The following CSMD1 variants were observed in gnomAD, a reference collection of about 807,000 sequenced individuals.
CSMD1 encodes the protein CUB and sushi domain-containing protein 1.
CSMD1 carries 213 observed loss-of-function variants against 417.5 expected under a neutral mutation model. The ratio of observed to expected loss-of-function variants is 0.51; its 90% CI spans 0.46 to 0.57. The LOEUF (loss-of-function observed/expected upper bound fraction) is 0.57. CSMD1 is among the 20% of genes least tolerant of loss of function. CSMD1 has a pLI of 0.00. For synonymous variants in CSMD1, 2,862 were observed against 1,736.8 expected, an observed-to-expected ratio of 1.65 and a Z score of -16.11; for missense variants, 6,923 against 4,529.7, an observed-to-expected ratio of 1.53 and a Z score of -15.17.
intron 3 of CSMD1, among the ~76,000 whole-genome samples, chr8:4,359,962 T>A (rs1420874571): frequency 6.6e-6 from 1 of 152,208 alleles, no homozygotes; most frequent in Non-Finnish European, 1.5e-5. Context: ...ATCTTCCACA[T>A]GGTTAGGATG....
At chr8:4,193,915 A>G (rs1184851891) in intron 3 of CSMD1, among the ~76,000 whole-genome samples, 1 of 151,820 alleles carries the variant, frequency 6.6e-6, no homozygotes, top group Non-Finnish European at 1.5e-5. Context: ...CGGCAGGAGA[A>G]AGTACAATGT....
At chr8:4,003,718 C>T (rs746056283) in intron 4 of CSMD1, among the ~76,000 whole-genome samples, 2 of 152,084 alleles carry the variant, frequency 1.3e-5, no homozygotes, top group East Asian at 1.9e-4. Context: ...GTGCTTCAGG[C>T]GATTTACCAA....
intron 12 of CSMD1, among the ~76,000 whole-genome samples, chr8:3,428,703 G>T (rs76193712): frequency 0.014 from 2,056 of 152,198 alleles, 50 homozygotes; most frequent in East Asian, 0.098. Context: ...CTACTAGTGG[G>T]CATATACCCA....
intron 1 of CSMD1, among the ~76,000 whole-genome samples, chr8:4,925,713 AT>A (rs546243279): frequency 6.6e-6 from 1 of 151,692 alleles, no homozygotes; most frequent in Non-Finnish European, 1.5e-5. Context: ...CGCAGGGCTA[AT>A]TTTTTTGTAT....
chr8:4,132,634 C>A (rs1049026333), intron 3 of CSMD1, among the ~76,000 whole-genome samples: 2 of 152,100 alleles, frequency 1.3e-5, no homozygotes, highest in African/African-American at 2.4e-5. Context: ...TCATTCTAAG[C>A]CAAATAAATA....
chr8:3,690,329 C>G (rs889548500), intron 7 of CSMD1, among the ~76,000 whole-genome samples: 20 of 152,336 alleles, frequency 1.3e-4, no homozygotes, highest in African/African-American at 4.8e-4. Context: ...GCACTGCAGC[C>G]TGGGTGACAG....
intron 7 of CSMD1, among the ~76,000 whole-genome samples, chr8:3,633,166 A>G (rs1305159538): frequency 6.6e-6 from 1 of 152,260 alleles, no homozygotes. Context: ...ATCATTAAAC[A>G]TCATATATGA....
intron 5 of CSMD1, among the ~76,000 whole-genome samples, chr8:3,863,755 C>T (rs756680206): frequency 6.6e-6 from 1 of 152,014 alleles, no homozygotes; most frequent in Non-Finnish European, 1.5e-5. Flanking sequence ...TGTTAAACTA[C>T]CCAGAAGAGA....
At chr8:4,674,037 A>G (rs1585430260) in intron 1 of CSMD1, among the ~76,000 whole-genome samples, 2 of 152,216 alleles carry the variant, frequency 1.3e-5, no homozygotes, top group African/African-American at 2.4e-5. Context: ...GTATATCTCA[A>G]TAAAGCTATT....
At chr8:3,086,557 C>T (rs756053460) in intron 49 of CSMD1, among the ~76,000 whole-genome samples, 3 of 152,044 alleles carry the variant, frequency 2.0e-5, no homozygotes, top group Non-Finnish European at 2.9e-5. Context: ...TTCATGACTT[C>T]AAAGCCTTCA....
At chr8:4,692,751 T>G (rs1175895417) in intron 1 of CSMD1, among the ~76,000 whole-genome samples, 1 of 152,218 alleles carries the variant, frequency 6.6e-6, no homozygotes, top group Non-Finnish European at 1.5e-5. Flanking sequence ...TCTCACATCA[T>G]GCCTAATTCT....
intron 10 of CSMD1, among the ~76,000 whole-genome samples, chr8:3,511,796 A>C (rs1797081947): frequency 6.6e-6 from 1 of 151,646 alleles, no homozygotes; most frequent in African/African-American, 2.4e-5. Flanking sequence ...ACATAACATA[A>C]CATAACATAA....
chr8:3,926,059 C>T (rs1389253048), intron 5 of CSMD1, among the ~76,000 whole-genome samples: 5 of 136,936 alleles, frequency 3.7e-5, no homozygotes, highest in African/African-American at 1.4e-4. Flanking sequence ...CATATACACA[C>T]ACACACACAC....
At chr8:2,946,723 CAT>C (rs1022767863) in intron 68 of CSMD1, among the ~76,000 whole-genome samples, 1 of 152,158 alleles carries the variant, frequency 6.6e-6, no homozygotes, top group African/African-American at 2.4e-5. Flanking sequence ...TTTTGTGTGA[CAT>C]ATTTTTCAGT....
intron 3 of CSMD1, among the ~76,000 whole-genome samples, chr8:4,050,880 C>T (rs1798390111): frequency 6.6e-6 from 1 of 151,982 alleles, no homozygotes; most frequent in African/African-American, 2.4e-5. Flanking sequence ...TCTAATACTC[C>T]CAGATTAAAA....
chr8:3,232,147 C>T lies in CSMD1; in HGVS notation c.4154-1916G>A, dbSNP rs542222557. Among the ~76,000 whole-genome samples the T allele has an allele frequency of 7.2e-5, 11 of 152,314 alleles. No homozygotes were observed. The South Asian group carries it at 8.3e-4, about 11-fold the overall frequency. On this transcript the variant is annotated intron_variant, in intron 26 of 69. Coordinates refer to ENST00000635120, the MANE Select transcript of CSMD1 (RefSeq NM_033225.6). ...CCTTCCCCATATCACCTTCTTCCTC[C>T]ACTTCAGGGGAAGTCACTTTCTGAA...
rs111337278 is a variant in CSMD1, at chr8:3,281,630, A to G, written c.4153+2514T>C. On this transcript the variant is annotated intron_variant, in intron 26 of 69. Transcript: ENST00000635120. ...AACTCTGTGACTTTCAGGAAAAGAC[A>G]AAACTATGGAGACAGTGAAAAGAGT... Among the ~76,000 whole-genome samples, 978 of 152,336 alleles carry G rather than the reference A, an allele frequency of 6.4e-3. 16 individuals carry two copies. Among genetic ancestry groups the G allele is most frequent in the African/African-American group, 0.022 (932 of 41,566 alleles).
intron 3 of CSMD1, among the ~76,000 whole-genome samples, chr8:4,103,390 G>T (rs1476375730): frequency 6.6e-6 from 1 of 151,108 alleles, no homozygotes; most frequent in Non-Finnish European, 1.5e-5. Flanking sequence ...GGGAACCATT[G>T]GCCAAATTCT....
intron 18 of CSMD1, among the ~76,000 whole-genome samples, chr8:3,379,177 A>G (rs1810486003): frequency 6.6e-6 from 1 of 152,234 alleles, no homozygotes; most frequent in Non-Finnish European, 1.5e-5. Flanking sequence ...ATGCTGAGGA[A>G]TACAACTTAC....
Sources: gnomAD v4.1 joint callset for allele counts (sites outside exome capture counted in the v4.1 genomes callset) on GRCh38, gnomAD v4.1.1 for gene constraint, MANE v1.5 for transcripts, NCBI Gene and HGNC (gene_info 2026-07-23, HGNC 2026-07-21) for gene names.